Variants in PATJ observed in about 807,000 individuals in gnomAD.
The protein encoded by PATJ is PATJ crumbs cell polarity complex component.
Under a neutral mutation model 224.9 loss-of-function variants are expected in PATJ, and 190 were observed. That is an observed-to-expected ratio of 0.84 (90% confidence interval 0.75 to 0.95). PATJ has a LOEUF of 0.95. Ranked by LOEUF, PATJ falls within the 40% of genes least tolerant of loss-of-function variation. PATJ has a pLI of 0.00. For missense variants in PATJ, 2,121 were observed against 2,270.3 expected (o/e 0.93, Z 1.34); for synonymous variants, 769 against 820.3 (o/e 0.94, Z 1.07).
intron 17 of PATJ, among the ~76,000 whole-genome samples, chr1:61,838,757 G>A (rs1389820450): frequency 2.0e-5 from 3 of 152,006 alleles, no homozygotes; most frequent in Non-Finnish European, 4.4e-5. Context: ...GTTTGTAGGT[G>A]AGGTTTTTAT....
intron 33 of PATJ, among the ~76,000 whole-genome samples, chr1:62,105,213 C>T (rs140821998): frequency 0.011 from 1,666 of 152,140 alleles, 11 homozygotes; most frequent in Middle Eastern, 0.031. Context: ...GAATTCAGAC[C>T]GCTTTTATGG....
At position 61,908,479 on chromosome 1, in the gene PATJ, A is replaced by C. The variant is rs1236550563; in HGVS notation, c.3489A>C (p.Pro1163=). 6.2e-7 allele frequency: 1 copy of C among 1,604,492 alleles called. No homozygotes were observed. Among genetic ancestry groups the C allele is most frequent in the African/African-American group, 1.3e-5 (1 of 74,870 alleles). The part of the protein sequence containing the change: ...VFIVQSLSST[P]RVIPNVHNKA... ...TTGTTCAGAGTTTGTCATCCACTCC[A>C]CGAGTAAGTTTTAGTTCATATTTTC... Residue 1163 remains proline (P), a synonymous_variant, in exon 25 of 44, where the codon CCA becomes CCC. Coordinates refer to ENST00000642238, the MANE Select transcript of PATJ (RefSeq NM_001350145.3).
chr1:61,990,233 A>G lies in PATJ; in HGVS notation c.3736A>G (p.Lys1246Glu), dbSNP rs757062604. 1.2e-6 allele frequency: 2 copies of G among 1,613,944 alleles called. No individual in the cohort carries two copies. The highest frequency in any genetic ancestry group is 1.7e-6 in the Non-Finnish European group (2 of 1,179,882). Residue 1246 changes from lysine (K) to glutamate (E), a missense_variant, in exon 28 of 44, where the codon AAG becomes GAG. Coordinates refer to ENST00000642238, the MANE Select transcript of PATJ (RefSeq NM_001350145.3). Reference sequence around the variant, plus strand: ...GCACATTATTGAACTTGAAAAAGATAAGAATGGACTTGGACTCAGCCTTGC... The same window carrying G: ...GCACATTATTGAACTTGAAAAAGATGAGAATGGACTTGGACTCAGCCTTGC... ...ELHIIELEKD[K>E]NGLGLSLAGN...
chr1:62,125,392 T>G (rs985759887), intron 39 of PATJ, among the ~76,000 whole-genome samples: 1 of 152,062 alleles, frequency 6.6e-6, no homozygotes, highest in Admixed American at 6.6e-5. Context: ...CATGAGGTCA[T>G]GAATGTAATG....
intron 8 of PATJ, among the ~76,000 whole-genome samples, chr1:61,790,506 CTTTTTTTTGTTT>C (rs1379511071): frequency 5.7e-5 from 6 of 105,528 alleles, no homozygotes; most frequent in Admixed American, 5.4e-4. Context: ...TTTTCTTCTT[CTTTTTTTTGTTT>C]TTTTTTTTTG....
chr1:62,007,871 G>A (rs990539308), intron 28 of PATJ, among the ~76,000 whole-genome samples: 5 of 152,148 alleles, frequency 3.3e-5, no homozygotes, highest in South Asian at 4.1e-4. Context: ...AAGGCCCCAC[G>A]TCCAAATACC....
intron 14 of PATJ, among the ~76,000 whole-genome samples, chr1:61,819,146 C>T (rs1298908897): frequency 1.3e-5 from 2 of 152,166 alleles, no homozygotes; most frequent in Non-Finnish European, 2.9e-5. Flanking sequence ...CAAGTCTCAC[C>T]TTAAGTGTCC....
chr1:61,839,390 G>C (rs1433341729), intron 17 of PATJ, among the ~76,000 whole-genome samples: 2 of 151,946 alleles, frequency 1.3e-5, no homozygotes, highest in Non-Finnish European at 2.9e-5. Flanking sequence ...TTGTGTAAGA[G>C]CTAGTTTTAT....
intron 28 of PATJ, among the ~76,000 whole-genome samples, chr1:61,992,836 G>T (rs781309540): frequency 6.6e-6 from 1 of 152,146 alleles, no homozygotes; most frequent in Non-Finnish European, 1.5e-5. Flanking sequence ...AACTTGTCTC[G>T]ATTCTTTTGG....
intron 33 of PATJ, among the ~76,000 whole-genome samples, chr1:62,094,384 A>G (rs1661137907): frequency 1.3e-5 from 2 of 151,634 alleles, no homozygotes; most frequent in Non-Finnish European, 2.9e-5. Flanking sequence ...ACAAAGTAAG[A>G]CTCTGTTTCT....
intron 28 of PATJ, among the ~76,000 whole-genome samples, chr1:62,014,420 G>A (rs1028942302): frequency 1.4e-4 from 21 of 152,062 alleles, no homozygotes; most frequent in African/African-American, 4.8e-4. Flanking sequence ...TAACGAGATT[G>A]GAAAATATGG....
At position 61,899,493 on chromosome 1, in the gene PATJ, A is replaced by T. The variant is rs1670824966; in HGVS notation, c.3132-90A>T. On this transcript the variant is annotated intron_variant, in intron 22 of 43. Coordinates refer to ENST00000642238, the MANE Select transcript of PATJ (RefSeq NM_001350145.3). ...AAAATTGAGAATCATTTAACTACCTATAGATTTTACAATTTCAAAACCTTC... is the reference window on the plus strand; with the variant it reads ...AAAATTGAGAATCATTTAACTACCTTTAGATTTTACAATTTCAAAACCTTC... 3.8e-6 allele frequency: 3 copies of T among 789,158 alleles called. No individual in the cohort carries two copies. In the South Asian group the frequency reaches 6.7e-5, roughly 18 times the overall value. The allele number at this position is 789,158 out of a possible 1,614,324, so 48.9% of individuals were successfully genotyped here.
chr1:61,977,212 C>A (rs1644183713), intron 27 of PATJ, among the ~76,000 whole-genome samples: 1 of 152,048 alleles, frequency 6.6e-6, no homozygotes, highest in Non-Finnish European at 1.5e-5. Context: ...CTCAGCCACC[C>A]GCGGAGCTGG....
intron 1 of PATJ, among the ~76,000 whole-genome samples, chr1:61,753,342 A>AC (rs1433736643): frequency 6.6e-6 from 1 of 151,742 alleles, no homozygotes; most frequent in Non-Finnish European, 1.5e-5. Flanking sequence ...TAGAGGCTGA[A>AC]CACCTGTTCT....
intron 17 of PATJ, among the ~76,000 whole-genome samples, chr1:61,848,288 T>G (rs1023771090): frequency 2.6e-5 from 4 of 152,210 alleles, no homozygotes; most frequent in African/African-American, 4.8e-5. Flanking sequence ...CACACTCATC[T>G]TAACACTAAT....
chr1:62,127,282 A>G (rs1330765854), intron 39 of PATJ, among the ~76,000 whole-genome samples: 2 of 152,144 alleles, frequency 1.3e-5, no homozygotes, highest in African/African-American at 4.8e-5. Flanking sequence ...TTGTAGAAGT[A>G]TTTTTTTATG....
intron 1 of PATJ, among the ~76,000 whole-genome samples, chr1:61,756,131 T>A (rs2148231474): frequency 6.6e-6 from 1 of 152,336 alleles, no homozygotes; most frequent in South Asian, 2.1e-4. Context: ...CATTTTACTC[T>A]GCCATATTGC....
intron 28 of PATJ, among the ~76,000 whole-genome samples, chr1:62,006,502 T>C (rs1646105588): frequency 6.6e-6 from 1 of 152,246 alleles, no homozygotes; most frequent in African/African-American, 2.4e-5. Context: ...TTTGAATAGT[T>C]AATTTTATTG....
chr1:61,898,682 C>G (rs1670706539), intron 22 of PATJ, among the ~76,000 whole-genome samples: 1 of 152,206 alleles, frequency 6.6e-6, no homozygotes, highest in Non-Finnish European at 1.5e-5. Context: ...GAGCTTAGGA[C>G]TCCTGATTTC....
Sources: gnomAD v4.1 joint callset for allele counts (sites outside exome capture counted in the v4.1 genomes callset) on GRCh38, gnomAD v4.1.1 for gene constraint, MANE v1.5 for transcripts, NCBI Gene and HGNC (gene_info 2026-07-23, HGNC 2026-07-21) for gene names.